NTRK3: variants seen among roughly 807,000 people sequenced by gnomAD.
NTRK3 encodes the protein neurotrophic receptor tyrosine kinase 3, also known as NT-3 growth factor receptor.
A neutral mutation model predicts 91.7 loss-of-function variants in NTRK3; 24 were observed. The observed-to-expected ratio is 0.26, with a 90% confidence interval of 0.19 to 0.37. The LOEUF (loss-of-function observed/expected upper bound fraction) is 0.37. Ranked by LOEUF, NTRK3 falls within the 10% of genes least tolerant of loss-of-function variation. The probability of loss-of-function intolerance (pLI) is 1.00; values close to 1 mark genes in which losing one functional copy is unlikely to be tolerated. For missense variants in NTRK3, 880 were observed against 1,068.9 expected, an observed-to-expected ratio of 0.82 and a Z score of 2.46; for synonymous variants, 483 against 404.0, an observed-to-expected ratio of 1.20 and a Z score of -2.34.
chr15:88,256,347 C>A lies in NTRK3; in HGVS notation c.-79G>T, dbSNP rs1318859906. On this transcript the variant is annotated 5_prime_UTR_variant, in exon 2 of 19. Coordinates refer to ENST00000394480, the Ensembl canonical transcript of NTRK3. Reference sequence around the variant, plus strand: ...CGTCTGAAACCATCGCGGACGCCGCCGCCGCCGCCGCCGCCGCCGGGTGGG... The same window carrying A: ...CGTCTGAAACCATCGCGGACGCCGCAGCCGCCGCCGCCGCCGCCGGGTGGG... The A allele has an allele frequency of 2.1e-5, 13 of 632,182 alleles. No individual in the cohort carries two copies. The Admixed American group carries it at 3.2e-4, about 16-fold the overall frequency. The allele number at this position is 632,182 out of a possible 1,614,324, so 39.2% of individuals were successfully genotyped here.
intron 13 of NTRK3, among the ~76,000 whole-genome samples, 154 bp from the exon 14 acceptor site, chr15:88,033,199 T>TATATATATATATAA (rs2078739599): frequency 2.5e-5 from 3 of 119,668 alleles, no homozygotes; most frequent in Non-Finnish European, 5.3e-5. Context: ...TATATATATA[T>TATATATATATATAA]ATATATATAT....
At chr15:88,159,949 C>T (rs1422853532) in intron 5 of NTRK3, among the ~76,000 whole-genome samples, 6 of 84,770 alleles carry the variant, frequency 7.1e-5, no homozygotes, top group African/African-American at 2.9e-4. Flanking sequence ...CTCCTACACA[C>T]ACACACACAC....
intron 14 of NTRK3, among the ~76,000 whole-genome samples, chr15:87,957,698 G>T (rs2071815891): frequency 6.6e-6 from 1 of 152,234 alleles, no homozygotes; most frequent in African/African-American, 2.4e-5. Flanking sequence ...AGACTTCACA[G>T]AAGTGAGAAA....
chr15:88,057,644 C>A (rs932922498), intron 13 of NTRK3, among the ~76,000 whole-genome samples: 1 of 152,214 alleles, frequency 6.6e-6, no homozygotes, highest in Admixed American at 6.5e-5. Flanking sequence ...TTGACTACAA[C>A]CTCAGGGGAG....
At chr15:87,890,189 A>C (rs189510152) in intron 17 of NTRK3, among the ~76,000 whole-genome samples, 12 of 152,086 alleles carry the variant, frequency 7.9e-5, no homozygotes, top group Admixed American at 7.2e-4. Flanking sequence ...CTGTAACACA[A>C]CACCAGGCAA....
intron 17 of NTRK3, among the ~76,000 whole-genome samples, chr15:87,908,035 G>T (rs749240902): frequency 1.2e-4 from 19 of 152,112 alleles, no homozygotes; most frequent in Non-Finnish European, 2.4e-4. Flanking sequence ...TGCAATTAGG[G>T]CATTCTTATT....
intron 5 of NTRK3, among the ~76,000 whole-genome samples, chr15:88,151,163 C>G (rs569200667): frequency 2.6e-5 from 4 of 152,102 alleles, no homozygotes; most frequent in South Asian, 2.1e-4. Context: ...CAAGATTTTA[C>G]GAGATGATGC....
intron 3 of NTRK3, among the ~76,000 whole-genome samples, 159 bp from the exon 4 acceptor site, chr15:88,184,458 C>A (rs1045357030): frequency 1.3e-5 from 2 of 152,198 alleles, no homozygotes; most frequent in Admixed American, 6.5e-5. Flanking sequence ...TCTTCCTCTG[C>A]GTGGTGGGGT....
chr15:88,093,927 C>T (rs544712342), intron 13 of NTRK3, among the ~76,000 whole-genome samples: 2 of 152,248 alleles, frequency 1.3e-5, no homozygotes, highest in African/African-American at 4.8e-5. Flanking sequence ...ATTGCCTTCC[C>T]CAATCCTATG....
At chr15:88,206,617 C>T (rs1332834974) in intron 3 of NTRK3, among the ~76,000 whole-genome samples, 2 of 149,376 alleles carry the variant, frequency 1.3e-5, no homozygotes, top group African/African-American at 2.5e-5. Context: ...GAGATTGCGC[C>T]ACTGCACTCC....
intron 14 of NTRK3, among the ~76,000 whole-genome samples, chr15:88,018,349 GAT>G (rs908113468): frequency 6.6e-6 from 1 of 152,122 alleles, no homozygotes; most frequent in Non-Finnish European, 1.5e-5. Context: ...AAGTCTCCAA[GAT>G]CTCCCAAAAG....
intron 14 of NTRK3, among the ~76,000 whole-genome samples, chr15:88,023,696 AG>A (rs1199672995): frequency 6.6e-6 from 1 of 152,158 alleles, no homozygotes; most frequent in Non-Finnish European, 1.5e-5. Context: ...AAACAACCGC[AG>A]GAAGCTAACA....
intron 14 of NTRK3, among the ~76,000 whole-genome samples, chr15:87,945,264 C>T (rs997534331): frequency 2.0e-5 from 3 of 152,212 alleles, no homozygotes; most frequent in African/African-American, 7.2e-5. Flanking sequence ...GAGACAGCCA[C>T]CAACTGGGTT....
rs373329251 is a variant in NTRK3 at position 88,112,007 on chromosome 15, C to T, written c.1396+14264G>A. On this transcript the variant is annotated intron_variant, in intron 13 of 18. Coordinates refer to ENST00000394480, the Ensembl canonical transcript of NTRK3. ...CTGCAAGCTCCGCCTCCAAGGTACACGCCATTCTCCTGCCTCAGCCTCCTG... is the reference window on the plus strand; with the variant it reads ...CTGCAAGCTCCGCCTCCAAGGTACATGCCATTCTCCTGCCTCAGCCTCCTG... Among the ~76,000 whole-genome samples the T allele has an allele frequency of 1.7e-4, 26 of 151,698 alleles. 1 individual carries two copies. The highest frequency in any genetic ancestry group is 6.0e-4 in the African/African-American group (25 of 41,384).
At chr15:87,862,211 A>G (rs2064547964) in exon 19 of NTRK3, 1 of 222,872 alleles carries the variant, frequency 4.5e-6, no homozygotes, top group Admixed American at 5.7e-5. Context: ...GATTCACTCA[A>G]GAGGACAAGG....
At chr15:87,933,232 G>C (rs2141959193) in intron 15 of NTRK3, 48 bp from the exon 16 acceptor site, 1 of 1,589,088 alleles carries the variant, frequency 6.3e-7, no homozygotes, top group Non-Finnish European at 8.6e-7. Flanking sequence ...AGGGCAGGGG[G>C]CTGTCTTTTC....
At position 88,031,502 on chromosome 15, in the gene NTRK3, C is replaced by T. The variant is rs546954772; in HGVS notation, c.1585+1355G>A. On this transcript the variant is annotated intron_variant, in intron 14 of 18. Transcript: ENST00000394480. ...GAAGTGAACTAATCTTTGTTCTGTG[C>T]TTCCCATGGTTTATCTGAAAAACAG... Among the ~76,000 whole-genome samples the T allele has an allele frequency of 2.6e-5, 4 of 152,340 alleles. No individual in the cohort carries two copies. In the South Asian group the frequency reaches 8.3e-4, roughly 32 times the overall value.
chr15:87,978,921 C>A (rs2073958238), intron 14 of NTRK3: 1 of 321,648 alleles, frequency 3.1e-6, no homozygotes, highest in Non-Finnish European at 5.8e-6. Flanking sequence ...CTGGGAGAGC[C>A]AGGGAGACCC....
intron 5 of NTRK3, among the ~76,000 whole-genome samples, chr15:88,156,387 C>T (rs1227179838): frequency 6.6e-6 from 1 of 152,208 alleles, no homozygotes; most frequent in Non-Finnish European, 1.5e-5. Flanking sequence ...AACTCCACCT[C>T]AGAATTCAAG....
Sources: allele counts gnomAD v4.1 joint callset (sites outside exome capture counted in the v4.1 genomes callset), GRCh38; gene constraint gnomAD v4.1.1; transcripts MANE v1.5; gene names NCBI Gene and HGNC (gene_info 2026-07-23, HGNC 2026-07-21).